STPG2: variants seen among roughly 807,000 people sequenced by gnomAD.
STPG2 encodes the protein sperm-tail PG-rich repeat-containing protein 2.
In STPG2, 56 loss-of-function variants were observed where a neutral mutation model predicts 54.2. The ratio of observed to expected loss-of-function variants is 1.03; its 90% CI spans 0.83 to 1.29. The LOEUF (loss-of-function observed/expected upper bound fraction) is 1.29, where lower values mean the gene tolerates loss of function less well. STPG2 is among the 50% of genes most tolerant of loss of function. The pLI is 0.00. For missense variants in STPG2, 596 were observed against 544.9 expected (o/e 1.09, Z -0.93); for synonymous variants, 200 against 181.8 (o/e 1.10, Z -0.81).
At chr4:97,496,724 T>C (rs1034820066) in intron 4 of STPG2, among the ~76,000 whole-genome samples, 1 of 151,760 alleles carries the variant, frequency 6.6e-6, no homozygotes, top group Non-Finnish European at 1.5e-5. Flanking sequence ...GAGCAATATG[T>C]GTATCCCGGC....
At chr4:97,952,103 G>T (rs1427007354) in intron 7 of STPG2, among the ~76,000 whole-genome samples, 1 of 152,052 alleles carries the variant, frequency 6.6e-6, no homozygotes, top group Non-Finnish European at 1.5e-5. Context: ...CAGGAATGTT[G>T]ATGTTCCAAG....
chr4:98,049,324 C>T (rs895352765), intron 5 of STPG2, among the ~76,000 whole-genome samples: 20 of 152,148 alleles, frequency 1.3e-4, no homozygotes, highest in Non-Finnish European at 2.8e-4. Flanking sequence ...ATTACTTAAC[C>T]TGCATGAGCT....
intron 5 of STPG2, among the ~76,000 whole-genome samples, chr4:98,013,292 GGAT>G (rs1443938430): frequency 2.0e-5 from 3 of 152,134 alleles, no homozygotes; most frequent in Non-Finnish European, 2.9e-5. Flanking sequence ...TGCATCCCAG[GGAT>G]GGAACCTACT....
At chr4:97,564,501 G>A (rs1398471101) in intron 10 of STPG2, among the ~76,000 whole-genome samples, 15 of 152,138 alleles carry the variant, frequency 9.9e-5, no homozygotes, top group Admixed American at 2.6e-4. Context: ...TATTTTGCTC[G>A]TTAGTTGATG....
intron 7 of STPG2, among the ~76,000 whole-genome samples, chr4:97,946,690 A>G (rs933784914): frequency 1.3e-5 from 2 of 152,120 alleles, no homozygotes; most frequent in Non-Finnish European, 2.9e-5. Flanking sequence ...TTTGTCAAAG[A>G]TCAGTTGGTT....
chr4:98,042,994 G>T (rs1024312881), intron 5 of STPG2, among the ~76,000 whole-genome samples: 12 of 151,910 alleles, frequency 7.9e-5, no homozygotes, highest in Non-Finnish European at 1.6e-4. Context: ...GTCAATATTT[G>T]CTATATATAT....
chr4:97,889,660 T>A (rs1578658427), intron 8 of STPG2, among the ~76,000 whole-genome samples: 1 of 152,038 alleles, frequency 6.6e-6, no homozygotes, highest in Non-Finnish European at 1.5e-5. Context: ...TAATGGCTGG[T>A]AGTAAGGGAA....
intron 6 of STPG2, among the ~76,000 whole-genome samples, chr4:97,977,837 C>T (rs1314892821): frequency 1.3e-5 from 2 of 152,190 alleles, no homozygotes; most frequent in Non-Finnish European, 1.5e-5. Context: ...CGGTCAGAAA[C>T]TAGAGCGACC....
intron 10 of STPG2, among the ~76,000 whole-genome samples, chr4:97,569,799 A>T (rs908281396): frequency 1.3e-5 from 2 of 152,154 alleles, no homozygotes; most frequent in Non-Finnish European, 2.9e-5. Flanking sequence ...CAGAATATTT[A>T]CACAGTCTCA....
chr4:98,036,815 TA>T (rs1355104130), intron 5 of STPG2, among the ~76,000 whole-genome samples: 5 of 151,918 alleles, frequency 3.3e-5, no homozygotes, highest in African/African-American at 1.2e-4. Flanking sequence ...AAATAAAAGT[TA>T]AAAAAGAAGA....
chr4:98,020,223 A>AT (rs1553934362), intron 5 of STPG2, among the ~76,000 whole-genome samples: 2 of 132,190 alleles, frequency 1.5e-5, no homozygotes, highest in Non-Finnish European at 3.3e-5. Flanking sequence ...AGTTTTTAGC[A>AT]TGAAGGGTTG....
At chr4:97,718,102 T>C (rs1169443722) in intron 9 of STPG2, among the ~76,000 whole-genome samples, 1 of 152,074 alleles carries the variant, frequency 6.6e-6, no homozygotes, top group African/African-American at 2.4e-5. Context: ...CCACTCTATT[T>C]AGCAAGGCAT....
At chr4:97,974,120 G>C (rs1274495357) in intron 6 of STPG2, among the ~76,000 whole-genome samples, 3 of 152,200 alleles carry the variant, frequency 2.0e-5, no homozygotes, top group Non-Finnish European at 2.9e-5. Context: ...TCTTGCATCA[G>C]CATGACCTGG....
intron 5 of STPG2, among the ~76,000 whole-genome samples, chr4:98,018,555 A>C (rs1736053049): frequency 1.3e-5 from 2 of 152,182 alleles, no homozygotes; most frequent in South Asian, 4.1e-4. Flanking sequence ...GCTGGGTCAA[A>C]TGGTATTTCT....
intron 4 of STPG2, among the ~76,000 whole-genome samples, chr4:97,512,498 A>G (rs901923192): frequency 3.3e-5 from 5 of 152,118 alleles, no homozygotes; most frequent in Admixed American, 2.0e-4. Context: ...TTGGGATATC[A>G]TAGTAGCTAA....
intron 10 of STPG2, among the ~76,000 whole-genome samples, chr4:97,597,482 T>A (rs577902246): frequency 6.6e-6 from 1 of 152,158 alleles, no homozygotes; most frequent in African/African-American, 2.4e-5. Context: ...CCAGTATCCT[T>A]CAACGAAACT....
At chr4:97,468,396 A>T (rs1447818835) in intron 4 of STPG2, among the ~76,000 whole-genome samples, 6 of 151,628 alleles carry the variant, frequency 4.0e-5, no homozygotes, top group Non-Finnish European at 7.4e-5. Context: ...AGAAAGGAAA[A>T]CTCTAGTGCC....
chr4:97,598,958 C>A (rs2148904497), intron 10 of STPG2, among the ~76,000 whole-genome samples: 1 of 152,028 alleles, frequency 6.6e-6, no homozygotes, highest in African/African-American at 2.4e-5. Flanking sequence ...CTTCTGCCAG[C>A]AAAAGATTTC....
chr4:97,700,830 C>T (rs1578491103), intron 10 of STPG2, among the ~76,000 whole-genome samples: 1 of 152,218 alleles, frequency 6.6e-6, no homozygotes, highest in African/African-American at 2.4e-5. Context: ...GGGCCTTATG[C>T]AGCTCCTGAG....
Sources: allele counts gnomAD v4.1 joint callset (sites outside exome capture counted in the v4.1 genomes callset), GRCh38; gene constraint gnomAD v4.1.1; transcripts MANE v1.5; gene names NCBI Gene and HGNC (gene_info 2026-07-23, HGNC 2026-07-21).